Variants in PPP4R2 observed in about 807,000 individuals in gnomAD.
PPP4R2 encodes serine/threonine-protein phosphatase 4 regulatory subunit 2.
In PPP4R2, 13 loss-of-function variants were observed where a neutral mutation model predicts 47.2. That is an observed-to-expected ratio of 0.28 (90% confidence interval 0.18 to 0.44). The LOEUF (loss-of-function observed/expected upper bound fraction) is 0.44. Ranked by LOEUF, PPP4R2 falls within the 20% of genes least tolerant of loss-of-function variation. The pLI is 1.00. For synonymous variants in PPP4R2, 151 were observed against 163.3 expected, an observed-to-expected ratio of 0.92 and a Z score of 0.57; for missense variants, 421 against 491.2, an observed-to-expected ratio of 0.86 and a Z score of 1.35.
intron 2 of PPP4R2, among the ~76,000 whole-genome samples, chr3:73,002,531 C>A (rs1002401530): frequency 1.3e-5 from 2 of 151,876 alleles, no homozygotes; most frequent in African/African-American, 2.4e-5. Flanking sequence ...AAAGCATGAG[C>A]CATTGCACTG....
chr3:72,999,364 A>G (rs1029356280), intron 2 of PPP4R2, among the ~76,000 whole-genome samples: 9 of 152,250 alleles, frequency 5.9e-5, no homozygotes, highest in African/African-American at 2.2e-4. Flanking sequence ...AAATGACCAC[A>G]TGCCATCTTT....
chr3:73,050,820 T>TG (rs1413206831), intron 3 of PPP4R2, among the ~76,000 whole-genome samples: 1 of 152,262 alleles, frequency 6.6e-6, no homozygotes, highest in Non-Finnish European at 1.5e-5. Flanking sequence ...TTTATTTTTT[T>TG]GGCTGTTAAC....
intron 2 of PPP4R2, 117 bp downstream of exon 2, chr3:72,998,275 C>T: frequency 1.6e-6 from 1 of 628,530 alleles, no homozygotes. Context: ...TTGTAGAAGT[C>T]CTGGTCATTT....
At chr3:73,019,768 A>C (rs1280823781) in intron 2 of PPP4R2, among the ~76,000 whole-genome samples, 3 of 151,106 alleles carry the variant, frequency 2.0e-5, no homozygotes, top group Admixed American at 1.3e-4. Context: ...ATTCTGAGTG[A>C]AGTATACTTG....
intron 4 of PPP4R2, among the ~76,000 whole-genome samples, chr3:73,060,722 G>A (rs1702838575): frequency 6.6e-6 from 1 of 151,980 alleles, no homozygotes. Context: ...TTCCATCTGA[G>A]CTTAGTTACT....
intron 2 of PPP4R2, among the ~76,000 whole-genome samples, chr3:73,005,833 CA>C (rs71623999): frequency 1.4e-3 from 176 of 121,680 alleles, no homozygotes; most frequent in Middle Eastern, 4.2e-3. Context: ...ACTCTGTCTG[CA>C]AAAAAAAAAA....
At chr3:73,056,457 C>T (rs1318471161) in intron 3 of PPP4R2, among the ~76,000 whole-genome samples, 3 of 152,168 alleles carry the variant, frequency 2.0e-5, no homozygotes, top group Admixed American at 1.3e-4. Flanking sequence ...CTGTTACGTT[C>T]ATTTATCATA....
intron 3 of PPP4R2, among the ~76,000 whole-genome samples, chr3:73,052,136 G>T (rs1421202669): frequency 6.6e-6 from 1 of 151,234 alleles, no homozygotes. Flanking sequence ...GTAAAGAAAA[G>T]AATATTGAAT....
chr3:73,036,397 A>G (rs1702261582), intron 2 of PPP4R2, among the ~76,000 whole-genome samples: 1 of 152,252 alleles, frequency 6.6e-6, no homozygotes, highest in Non-Finnish European at 1.5e-5. Context: ...AAGATTTGAA[A>G]TGTTCCCAGC....
intron 3 of PPP4R2, among the ~76,000 whole-genome samples, chr3:73,050,559 AATAG>A (rs942249648): frequency 3.9e-4 from 59 of 152,252 alleles, no homozygotes; most frequent in African/African-American, 1.4e-3. Flanking sequence ...CCCCATTTGT[AATAG>A]ATAATCTTTA....
intron 2 of PPP4R2, among the ~76,000 whole-genome samples, chr3:73,022,198 G>T (rs921922700): frequency 1.3e-5 from 2 of 151,982 alleles, no homozygotes; most frequent in African/African-American, 4.8e-5. Flanking sequence ...CGCCCAGCCT[G>T]TTTCTTTTAA....
rs553763075 is a variant in PPP4R2, at chr3:73,068,707, T to C, written c.*2985T>C. 111 of 152,296 alleles carry C rather than the reference T, an allele frequency of 7.3e-4. No individual in the cohort carries two copies. The highest frequency in any genetic ancestry group is 2.7e-3 in the African/African-American group (111 of 41,544). The allele number at this position is 152,296 out of a possible 1,614,324, so 9.4% of individuals were successfully genotyped here. On this transcript the variant is annotated 3_prime_UTR_variant, in exon 9 of 9. Transcript: ENST00000356692. ...GCCGGTGTAGATAGGCATGTATTTA[T>C]GCATTTTTGCATTTGTAAAATCAAC...
At position 73,069,038 on chromosome 3, in the gene PPP4R2, C is replaced by A. The variant is rs1397564881; in HGVS notation, c.*3316C>A. 2 of 152,048 alleles carry A rather than the reference C, an allele frequency of 1.3e-5. No individual in the cohort carries two copies. Among genetic ancestry groups the A allele is most frequent in the Non-Finnish European group, 2.9e-5 (2 of 68,026 alleles). The allele number at this position is 152,048 out of a possible 1,614,324, so 9.4% of individuals were successfully genotyped here. On this transcript the variant is annotated 3_prime_UTR_variant, in exon 9 of 9. Coordinates refer to ENST00000356692, the MANE Select transcript of PPP4R2 (RefSeq NM_174907.4). ...AAAAATTAGGTTTGCTGGGTTTTGG[C>A]CTAATAAGAGTGCTAGTATGTATTG...
At chr3:73,041,293 G>T (rs1048096471) in intron 2 of PPP4R2, among the ~76,000 whole-genome samples, 1 of 152,112 alleles carries the variant, frequency 6.6e-6, no homozygotes, top group Admixed American at 6.6e-5. Context: ...CTCTTGTTTC[G>T]TGCCCCATTT....
chr3:73,062,612 T>G, intron 5 of PPP4R2: 1 of 1,614,026 alleles, frequency 6.2e-7, no homozygotes, highest in Non-Finnish European at 8.5e-7. Context: ...TTATTGCCCT[T>G]GAGAAGTCAT....
chr3:73,043,066 T>TCTAG (rs1702411749), intron 2 of PPP4R2, among the ~76,000 whole-genome samples: 1 of 151,482 alleles, frequency 6.6e-6, no homozygotes, highest in Non-Finnish European at 1.5e-5. Flanking sequence ...ACCACAAGAC[T>TCTAG]CTGTGCATAT....
At chr3:73,019,687 A>G (rs967137547) in intron 2 of PPP4R2, among the ~76,000 whole-genome samples, 1 of 152,138 alleles carries the variant, frequency 6.6e-6, no homozygotes, top group African/African-American at 2.4e-5. Flanking sequence ...AGAAGCTATT[A>G]TTTGTAACTT....
intron 3 of PPP4R2, among the ~76,000 whole-genome samples, chr3:73,053,301 T>TTACTTGAG (rs1204689945): frequency 7.1e-6 from 1 of 141,446 alleles, no homozygotes; most frequent in Non-Finnish European, 1.5e-5. Context: ...TCTCTTAGAA[T>TTACTTGAG]AATTACTTGA....
At position 73,010,383 on chromosome 3, in the gene PPP4R2, C is replaced by G. The variant is rs1029920276; in HGVS notation, c.116+12225C>G. 3.3e-5 allele frequency among the ~76,000 whole-genome samples: 5 copies of G among 151,954 alleles called. No homozygotes were observed. The South Asian group carries it at 1.0e-3, about 32-fold the overall frequency. ...CTGCCAGAGGCATGTGCCACCATGC[C>G]TGGCTAGAAAAATAAAAAGCTTTAT... On this transcript the variant is annotated intron_variant, in intron 2 of 8. Coordinates refer to ENST00000356692, the MANE Select transcript of PPP4R2 (RefSeq NM_174907.4).
Sources: gnomAD v4.1 joint callset for allele counts (sites outside exome capture counted in the v4.1 genomes callset) on GRCh38, gnomAD v4.1.1 for gene constraint, MANE v1.5 for transcripts, NCBI Gene and HGNC (gene_info 2026-07-23, HGNC 2026-07-21) for gene names.